Variants in PSPC1 observed in about 807,000 individuals in gnomAD.
The protein encoded by PSPC1 is paraspeckle component 1.
PSPC1 carries 14 observed loss-of-function variants against 51.6 expected under a neutral mutation model. The observed-to-expected ratio is 0.27, with a 90% CI of 0.18 to 0.42. PSPC1 has a LOEUF of 0.42. Ranked by LOEUF, PSPC1 falls within the 10% of genes least tolerant of loss-of-function variation. The pLI, the probability that PSPC1 is intolerant of heterozygous loss-of-function variation, is 1.00. For missense variants in PSPC1, 406 were observed against 701.1 expected (o/e 0.58, Z 4.75); for synonymous variants, 193 against 231.9 (o/e 0.83, Z 1.53).
chr13:19,754,236 C>T (rs1204364894), intron 3 of PSPC1, among the ~76,000 whole-genome samples: 1 of 151,956 alleles, frequency 6.6e-6, no homozygotes, highest in Non-Finnish European at 1.5e-5. Flanking sequence ...AGGCTCCTGC[C>T]ACCACACCCA....
At chr13:19,677,692 T>G (rs1876821353) in intron 7 of PSPC1, 1 of 425,508 alleles carries the variant, frequency 2.4e-6, no homozygotes, top group African/African-American at 2.1e-5. Context: ...CTCAAGGATC[T>G]GTTAGAAAAT....
rs1381176613 is a variant in PSPC1 at position 19,782,345 on chromosome 13, G to A, written c.372+41C>T. On this transcript the variant is annotated intron_variant, in intron 1 of 8. Transcript: ENST00000338910. This position sits in a 1 kb window ranked among gnomAD's most constrained non-coding sequence, Gnocchi z 4.5. ...AGCCCCACGACCCCGCGGCCACCCC[G>A]ACAGTCCTTTTGTTCCCTCGCGCGG... The A allele has an allele frequency of 1.3e-6, 2 of 1,535,118 alleles. No individual in the cohort carries two copies. Among genetic ancestry groups the A allele is most frequent in the African/African-American group, 1.4e-5 (1 of 70,718 alleles).
downstream of PSPC1, chr13:19,672,826 G>A (rs756232163): frequency 3.0e-5 from 9 of 297,508 alleles, no homozygotes; most frequent in African/African-American, 6.5e-5. Flanking sequence ...TTAGCAGAGC[G>A]TGGTGGCTCA....
At chr13:19,769,411 C>T (rs1186744232) in intron 2 of PSPC1, among the ~76,000 whole-genome samples, 2 of 152,118 alleles carry the variant, frequency 1.3e-5, no homozygotes, top group Non-Finnish European at 2.9e-5. Context: ...AAAAATTAGC[C>T]GGGCGTGGCG....
intron 6 of PSPC1, among the ~76,000 whole-genome samples, chr13:19,691,900 A>G (rs1345622160): frequency 6.6e-6 from 1 of 152,160 alleles, no homozygotes; most frequent in African/African-American, 2.4e-5. Flanking sequence ...ACTGAGTGAC[A>G]GAGCGAGACC....
chr13:19,731,685 A>G (rs1884141794), intron 5 of PSPC1, among the ~76,000 whole-genome samples: 1 of 152,218 alleles, frequency 6.6e-6, no homozygotes, highest in Admixed American at 6.5e-5. Context: ...AAGTGCTGGG[A>G]TTACAGGCGT....
chr13:19,732,819 C>T (rs886343179), intron 5 of PSPC1, among the ~76,000 whole-genome samples: 76 of 151,784 alleles, frequency 5.0e-4, no homozygotes, highest in African/African-American at 1.8e-3. Flanking sequence ...CCCAGCTACT[C>T]GGGAGGCTGA....
chr13:19,707,183 CTCTT>C lies in PSPC1; in HGVS notation c.1217-1356_1217-1353del, dbSNP rs1204115040. 6.6e-5 allele frequency among the ~76,000 whole-genome samples: 10 copies of C among 152,048 alleles called. No homozygotes were observed. In the East Asian group the frequency reaches 1.9e-3, roughly 29 times the overall value. On this transcript the variant is annotated intron_variant, in intron 7 of 8. Transcript: ENST00000338910. ...TGGGTTCGGAAGTTTTCTTTTTCCTCTCTTTCTCTTTAATAGAATGTAATTTAAC... is the reference window on the plus strand; with the variant it reads ...TGGGTTCGGAAGTTTTCTTTTTCCTCTCTCTTTAATAGAATGTAATTTAAC...
intron 2 of PSPC1, 102 bp downstream of exon 2, chr13:19,772,140 T>C: frequency 2.4e-6 from 3 of 1,264,656 alleles, no homozygotes; most frequent in South Asian, 3.0e-5. Flanking sequence ...CAACACCTAC[T>C]TACCATATGC....
chr13:19,691,964 TTA>T (rs1491343159), intron 6 of PSPC1, among the ~76,000 whole-genome samples: 1 of 151,874 alleles, frequency 6.6e-6, no homozygotes, highest in Non-Finnish European at 1.5e-5. Context: ...AGGAACCACC[TTA>T]GAGTTTAGTG....
intron 1 of PSPC1, among the ~76,000 whole-genome samples, chr13:19,773,197 T>C (rs1053020686): frequency 2.6e-5 from 4 of 150,954 alleles, no homozygotes; most frequent in Admixed American, 2.6e-4. Context: ...ATAACTTGAC[T>C]AGAAACTATC....
intron 8 of PSPC1, among the ~76,000 whole-genome samples, chr13:19,704,663 T>C (rs988521933): frequency 2.8e-5 from 4 of 142,278 alleles, no homozygotes; most frequent in African/African-American, 1.0e-4. Flanking sequence ...TTGCCTAAAG[T>C]CCGATTTATA....
intron 6 of PSPC1, among the ~76,000 whole-genome samples, chr13:19,711,200 T>C (rs1232592776): frequency 6.6e-6 from 1 of 152,200 alleles, no homozygotes; most frequent in Non-Finnish European, 1.5e-5. Flanking sequence ...TGACCATTAA[T>C]GGATACTATT....
intron 6 of PSPC1, among the ~76,000 whole-genome samples, chr13:19,715,323 A>T (rs987455941): frequency 1.3e-5 from 2 of 152,240 alleles, no homozygotes; most frequent in African/African-American, 4.8e-5. Context: ...TAAGTAAGGT[A>T]AATTAACCTA....
intron 7 of PSPC1, among the ~76,000 whole-genome samples, chr13:19,677,428 A>T (rs1876788316): frequency 6.6e-6 from 1 of 152,082 alleles, no homozygotes; most frequent in South Asian, 2.1e-4. Flanking sequence ...CTGAAGACAA[A>T]TTAATATACG....
At chr13:19,706,053 C>T (rs1330650271) in intron 7 of PSPC1, among the ~76,000 whole-genome samples, 3 of 152,148 alleles carry the variant, frequency 2.0e-5, no homozygotes, top group Non-Finnish European at 4.4e-5. Context: ...AAGGAGGAAA[C>T]TATCAATCAT....
intron 3 of PSPC1, among the ~76,000 whole-genome samples, chr13:19,756,691 G>C (rs1887109573): frequency 6.6e-6 from 1 of 151,908 alleles, no homozygotes; most frequent in Non-Finnish European, 1.5e-5. Context: ...GTAGAGACGG[G>C]GGTTTCACCA....
At position 19,750,856 on chromosome 13, in the gene PSPC1, A is replaced by G. The variant is rs369426659; in HGVS notation, c.967+415T>C. Among the ~76,000 whole-genome samples the G allele has an allele frequency of 4.6e-3, 699 of 151,610 alleles. 5 individuals carry two copies. Among genetic ancestry groups the G allele is most frequent in the South Asian group, 0.027 (129 of 4,798 alleles). The stretch of plus-strand genomic sequence containing the variant: ...GCGATCTCAGCTCACAGCAACCTCT[A>G]CCTCCCGGGTTCAAGCAATTCTCCT... On this transcript the variant is annotated intron_variant, in intron 4 of 8. Transcript: ENST00000338910.
At chr13:19,744,490 T>G (rs1885750310) in intron 4 of PSPC1, among the ~76,000 whole-genome samples, 1 of 152,214 alleles carries the variant, frequency 6.6e-6, no homozygotes, top group Non-Finnish European at 1.5e-5. Flanking sequence ...CTTATACATC[T>G]GTACACTGCC....
Sources: allele counts gnomAD v4.1 joint callset (sites outside exome capture counted in the v4.1 genomes callset), GRCh38; gene constraint gnomAD v4.1.1; non-coding constraint Gnocchi (gnomAD v3.1); transcripts MANE v1.5; gene names NCBI Gene and HGNC (gene_info 2026-07-23, HGNC 2026-07-21).